Variants in GAK observed in about 807,000 individuals in gnomAD.
The protein encoded by GAK is cyclin G associated kinase, also known as cyclin-G-associated kinase.
GAK carries 79 observed loss-of-function variants against 143.9 expected under a neutral mutation model. The observed-to-expected ratio is 0.55, with a 90% CI of 0.46 to 0.66. The LOEUF (loss-of-function observed/expected upper bound fraction) is 0.66, where lower values mean the gene tolerates loss of function less well. GAK is among the 30% of genes least tolerant of loss of function. GAK has a pLI of 0.00. For synonymous variants in GAK, 881 were observed against 765.5 expected (o/e 1.15, Z -2.49); for missense variants, 1,693 against 1,779.7 (o/e 0.95, Z 0.88).
intron 1 of GAK, among the ~76,000 whole-genome samples, chr4:925,268 C>A (rs1342506731): frequency 1.3e-5 from 2 of 152,130 alleles, no homozygotes; most frequent in African/African-American, 4.8e-5. Flanking sequence ...AGTCTGGTGC[C>A]CCCGAGCAGC....
At chr4:922,094 C>T (rs918278114) in intron 1 of GAK, among the ~76,000 whole-genome samples, 8 of 152,110 alleles carry the variant, frequency 5.3e-5, no homozygotes, top group Admixed American at 2.0e-4. Context: ...CCCAGATGAC[C>T]CTATGCGGAG....
Position 897,912 on chromosome 4 carries a change from G to A in GAK, c.651+121C>T. The A allele has an allele frequency of 5.1e-6, 6 of 1,168,554 alleles. No individual in the cohort carries two copies. The South Asian group carries it at 8.5e-5, about 16-fold the overall frequency. The allele number at this position is 1,168,554 out of a possible 1,614,324, so 72.4% of individuals were successfully genotyped here. On this transcript the variant is annotated intron_variant, in intron 6 of 27. Transcript: ENST00000314167. ...TGCAGTGAGCCGGGATTGCACCACT[G>A]CACTCCAGCCTGGTGACAGAGCGAG...
At chr4:918,453 A>G (rs1040632923) in intron 1 of GAK, among the ~76,000 whole-genome samples, 2 of 152,272 alleles carry the variant, frequency 1.3e-5, no homozygotes, top group African/African-American at 4.8e-5. Context: ...ACAAAACTTC[A>G]GTTAGCTAGG....
At chr4:862,803 C>G (rs990069636) in intron 23 of GAK, among the ~76,000 whole-genome samples, 2 of 152,172 alleles carry the variant, frequency 1.3e-5, no homozygotes, top group African/African-American at 4.8e-5. Context: ...AAAAAAGATT[C>G]CTTTCAAAAT....
intron 9 of GAK, among the ~76,000 whole-genome samples, chr4:890,907 C>T (rs1717509936): frequency 6.6e-6 from 1 of 151,930 alleles, no homozygotes; most frequent in African/African-American, 2.4e-5. Flanking sequence ...GCTTCTGTTC[C>T]TTTTCCTTTT....
At chr4:913,478 G>A in intron 2 of GAK, 129 bp downstream of exon 2, 1 of 739,358 alleles carries the variant, frequency 1.4e-6, no homozygotes, top group Non-Finnish European at 2.4e-6. Flanking sequence ...AGAAGCAAAA[G>A]GGACAAGTAT....
chr4:905,611 A>G, intron 4 of GAK, among the ~76,000 whole-genome samples: 1 of 129,852 alleles, frequency 7.7e-6, no homozygotes, highest in East Asian at 2.3e-4. Flanking sequence ...ACTCCGCCAA[A>G]CCAGGCCACG....
At chr4:851,588 G>A in intron 25 of GAK, 162 bp downstream of exon 25, 1 of 686,076 alleles carries the variant, frequency 1.5e-6, no homozygotes, top group East Asian at 2.7e-5. Context: ...CCCAGAGAGA[G>A]ACCAGTGAAC....
chr4:849,825 C>CGGGGCCGGGGGGGGGG, intron 27 of GAK, 51 bp from the exon 28 acceptor site: 1 of 1,229,764 alleles, frequency 8.1e-7, no homozygotes, highest in Non-Finnish European at 1.1e-6. Context: ...CGGGGGCGGG[C>CGGGGCCGGGGGGGGGG]GGGGCAGGAC....
intron 15 of GAK, among the ~76,000 whole-genome samples, chr4:879,443 TTA>T (rs1457697269): frequency 6.6e-6 from 1 of 152,226 alleles, no homozygotes; most frequent in Non-Finnish European, 1.5e-5. Flanking sequence ...TTGACAAGGT[TTA>T]TGTTTTCCTT....
At position 851,878 on chromosome 4, in the gene GAK, T is replaced by A; in HGVS notation, c.3380A>T (p.Gln1127Leu). The change falls in exon 25 of 28, where the codon CAG becomes CTG. Residue 1127 changes from glutamine to leucine, a missense_variant. By Grantham distance (113) the Gln-to-Leu change is moderately radical (BLOSUM62 -2). Transcript: ENST00000314167. ...GGCCTGAGGGGGCCATGAGGCGCCCTGGGCTGGCGGCCGACTTGTCTGCCA... is the reference window on the plus strand; with the variant it reads ...GGCCTGAGGGGGCCATGAGGCGCCCAGGGCTGGCGGCCGACTTGTCTGCCA... ...SSWQTSRPPAQGASWPPQAKP... is the reference protein window; with the variant it reads ...SSWQTSRPPALGASWPPQAKP... 4.3e-6 allele frequency: 7 copies of A among 1,610,664 alleles called. No homozygotes were observed. Among genetic ancestry groups the A allele is most frequent in the Non-Finnish European group, 5.9e-6 (7 of 1,177,870 alleles).
Position 890,478 on chromosome 4 carries a change from C to T in GAK, c.1081+54G>A, listed in dbSNP as rs149009852. The T allele has an allele frequency of 8.9e-4, 1,245 of 1,391,926 alleles. 11 individuals carry two copies. The highest frequency in any genetic ancestry group is 5.4e-4 in the Non-Finnish European group (543 of 1,010,744). The allele number at this position is 1,391,926 out of a possible 1,614,324, so 86.2% of individuals were successfully genotyped here. A position where few individuals can be genotyped will look rare whatever the true frequency, so the allele number is the denominator to read the frequency against. On this transcript the variant is annotated intron_variant, in intron 10 of 27. Transcript: ENST00000314167. ...CTCCATCCCAATGTGCTGCGGGTGC[C>T]CGGGGTGCAGCAGGAGCGAGGGACA...
chr4:893,398 G>T lies in GAK; in HGVS notation c.969C>A (p.Asn323Lys). The change falls in exon 9 of 28, where the codon AAC (asparagine) becomes AAA (lysine). Residue 323 changes from asparagine (N) to lysine (K), a missense_variant. By Grantham distance (94) the Asn-to-Lys change is moderately conservative (BLOSUM62 0). Transcript: ENST00000314167. ...LQEIAAARNV[N>K]PKSPITELLE... Reference sequence around the variant, plus strand: ...TCACCTCTGTGATGGGAGACTTGGGGTTCACGTTGCGGGCGGCCGCGATCT... The same window carrying T: ...TCACCTCTGTGATGGGAGACTTGGGTTTCACGTTGCGGGCGGCCGCGATCT... The T allele has an allele frequency of 6.3e-7, 1 of 1,585,982 alleles. No individual in the cohort carries two copies. The highest frequency in any genetic ancestry group is 8.6e-7 in the Non-Finnish European group (1 of 1,166,110).
chr4:883,882 G>T (rs1368497921), intron 12 of GAK, among the ~76,000 whole-genome samples, 155 bp downstream of exon 12: 1 of 152,224 alleles, frequency 6.6e-6, no homozygotes, highest in African/African-American at 2.4e-5. Flanking sequence ...AGCACAGGCC[G>T]CCTGCCTGCC....
Position 932,205 on chromosome 4 carries a change from A to G in GAK, c.-18T>C, listed in dbSNP as rs1446865992. On this transcript the variant is annotated 5_prime_UTR_variant, in exon 1 of 28. Transcript: ENST00000314167. The surrounding 1 kb of genome is among the most constrained non-coding windows in gnomAD (Gnocchi z 4.0). ...AGCGACATGGCGGTGGCTGCGCCGCACCCCGCGGCAGCCGGAGTGGTCGGG... is the reference window on the plus strand; with the variant it reads ...AGCGACATGGCGGTGGCTGCGCCGCGCCCCGCGGCAGCCGGAGTGGTCGGG... 1 of 1,518,756 alleles carries G rather than the reference A, an allele frequency of 6.6e-7. No homozygotes were observed. The highest frequency in any genetic ancestry group is 2.7e-5 in the East Asian group (1 of 37,254). The allele number at this position is 1,518,756 out of a possible 1,614,324, so 94.1% of individuals were successfully genotyped here.
At chr4:849,833 G>GGC (rs1309272961) in intron 27 of GAK, 59 bp from the exon 28 acceptor site, 9 of 1,191,402 alleles carry the variant, frequency 7.6e-6, no homozygotes, top group African/African-American at 2.1e-5. Context: ...GGCGGGGCAG[G>GGC]ACCCCCCCCC....
chr4:881,214 C>T (rs765405901), intron 15 of GAK, among the ~76,000 whole-genome samples: 4 of 152,202 alleles, frequency 2.6e-5, no homozygotes, highest in Admixed American at 6.5e-5. Context: ...GGTGGGGCCA[C>T]GGGGCCGGCC....
intron 18 of GAK, among the ~76,000 whole-genome samples, chr4:873,703 G>A (rs1283992375): frequency 1.3e-5 from 2 of 152,140 alleles, no homozygotes; most frequent in African/African-American, 4.8e-5. Flanking sequence ...AGTGACACCA[G>A]CCTTCTTCCT....
intron 11 of GAK, among the ~76,000 whole-genome samples, chr4:884,645 A>T (rs1300472014): frequency 6.6e-6 from 1 of 152,232 alleles, no homozygotes; most frequent in Non-Finnish European, 1.5e-5. Context: ...GGTCCACGGA[A>T]TCGGTAACAC....
Sources: allele counts gnomAD v4.1 joint callset (sites outside exome capture counted in the v4.1 genomes callset), GRCh38; gene constraint gnomAD v4.1.1; non-coding constraint Gnocchi (gnomAD v3.1); transcripts MANE v1.5; gene names NCBI Gene and HGNC (gene_info 2026-07-23, HGNC 2026-07-21).